The following KDM1A variants were observed in gnomAD, a reference collection of about 807,000 sequenced individuals.
KDM1A encodes the protein lysine-specific histone demethylase 1A.
Under a neutral mutation model 109.4 loss-of-function variants are expected in KDM1A, and 49 were observed. That is an observed-to-expected ratio of 0.45 (90% CI 0.36 to 0.57). The LOEUF is 0.57. KDM1A is among the 20% of genes least tolerant of loss of function. KDM1A has a pLI of 0.00. For synonymous variants in KDM1A, 380 were observed against 415.4 expected, an observed-to-expected ratio of 0.91 and a Z score of 1.04; for missense variants, 668 against 1,116.6, an observed-to-expected ratio of 0.60 and a Z score of 5.73.
chr1:23,032,535 A>G lies in KDM1A; in HGVS notation c.517+1901A>G, dbSNP rs114923337. Reference sequence around the variant, plus strand: ...GGGACGTTAAAATTTTAAGTTGAGGATATCTTCAATGCTTAGAAATGTGCT... The same window carrying G: ...GGGACGTTAAAATTTTAAGTTGAGGGTATCTTCAATGCTTAGAAATGTGCT... On this transcript the variant is annotated intron_variant, in intron 2 of 20. Coordinates refer to ENST00000400181, the MANE Select transcript of KDM1A (RefSeq NM_001009999.3). 8.7e-3 allele frequency among the ~76,000 whole-genome samples: 1,328 copies of G among 152,128 alleles called. 16 individuals carry two copies. The highest frequency in any genetic ancestry group is 0.028 in the African/African-American group (1,174 of 41,514).
In KDM1A at chr1:23,021,807, C is replaced by A. The variant is rs546927674; in HGVS notation, c.351+1860C>A. Among the ~76,000 whole-genome samples the A allele has an allele frequency of 1.2e-4, 18 of 152,316 alleles. No individual in the cohort carries two copies. The South Asian group carries it at 3.7e-3, about 32-fold the overall frequency. On this transcript the variant is annotated intron_variant, in intron 1 of 20. Coordinates refer to ENST00000400181, the MANE Select transcript of KDM1A (RefSeq NM_001009999.3). ...ATTGATTTTAGAACCTTTTCATCAT[C>A]CCCAAAGACATCTGTATCATTAGCA...
At chr1:23,050,673 T>G (rs1642642079) in intron 4 of KDM1A, among the ~76,000 whole-genome samples, 153 bp downstream of exon 4, 1 of 152,240 alleles carries the variant, frequency 6.6e-6, no homozygotes, top group Admixed American at 6.5e-5. Context: ...TAGTTATTTT[T>G]CATTTGGGTA....
intron 3 of KDM1A, 21 bp from the exon 4 acceptor site, chr1:23,050,366 G>A (rs1475587861): frequency 8.2e-6 from 13 of 1,589,796 alleles, no homozygotes; most frequent in Non-Finnish European, 1.1e-5. Context: ...TTTCCTAGAT[G>A]TCCTTTGCTT....
chr1:23,082,126 C>T, intron 19 of KDM1A, 94 bp from the exon 20 acceptor site: 3 of 1,365,194 alleles, frequency 2.2e-6, no homozygotes, highest in Non-Finnish European at 3.0e-6. Context: ...TTTCTCTTCA[C>T]TTGCATCTCC....
intron 1 of KDM1A, among the ~76,000 whole-genome samples, chr1:23,026,390 G>GTTT (rs1641803477): frequency 5.8e-5 from 3 of 51,878 alleles, no homozygotes; most frequent in African/African-American, 2.3e-4. Flanking sequence ...TTGTTTGTCT[G>GTTT]TTTGTTTTTT....
At chr1:23,051,398 AC>A (rs1448774231) in intron 4 of KDM1A, among the ~76,000 whole-genome samples, 1 of 152,194 alleles carries the variant, frequency 6.6e-6, no homozygotes, top group African/African-American at 2.4e-5. Context: ...GGTTATGAAC[AC>A]TTTTAAATGT....
chr1:23,073,167 G>T (rs1189945304), intron 14 of KDM1A, 125 bp from the exon 15 acceptor site: 3 of 574,948 alleles, frequency 5.2e-6, no homozygotes, highest in African/African-American at 3.7e-5. Flanking sequence ...TTTTTGATTT[G>T]TAATTTCTTC....
intron 16 of KDM1A, 83 bp downstream of exon 16, chr1:23,077,443 A>G: frequency 1.5e-6 from 2 of 1,374,942 alleles, no homozygotes; most frequent in African/African-American, 2.9e-5. Context: ...TATCAGGTAC[A>G]TTTCCTGATA....
At chr1:23,058,126 A>G (rs1345122566) in intron 8 of KDM1A, among the ~76,000 whole-genome samples, 2 of 152,140 alleles carry the variant, frequency 1.3e-5, no homozygotes, top group African/African-American at 4.8e-5. Flanking sequence ...TTCCATGCTC[A>G]AAGGATCCTC....
chr1:23,079,285 T>A lies in KDM1A; in HGVS notation c.2055+108T>A. On this transcript the variant is annotated intron_variant, in intron 17 of 20. Transcript: ENST00000400181. This position sits in a 1 kb window ranked among gnomAD's most constrained non-coding sequence, Gnocchi z 5.6. ...TGCATTTTTGGGCATTTGGCTATGC[T>A]CCCAATTGTGACATCAGGGCTGAGG... 1 of 1,149,138 alleles carries A rather than the reference T, an allele frequency of 8.7e-7. No individual in the cohort carries two copies. The highest frequency in any genetic ancestry group is 1.2e-6 in the Non-Finnish European group (1 of 801,618). 71.2% of individuals were successfully genotyped at this position (1,149,138 alleles called of 1,614,324 possible). A position where few individuals can be genotyped will look rare whatever the true frequency, so the allele number is the denominator to read the frequency against.
intron 9 of KDM1A, among the ~76,000 whole-genome samples, chr1:23,060,933 G>A (rs1642981946): frequency 6.6e-6 from 1 of 152,218 alleles, no homozygotes; most frequent in South Asian, 2.1e-4. Flanking sequence ...TCCTCAAGAA[G>A]TGATAAGAGT....
intron 3 of KDM1A, among the ~76,000 whole-genome samples, chr1:23,046,468 T>C (rs1213281199): frequency 6.6e-6 from 1 of 152,208 alleles, no homozygotes; most frequent in Non-Finnish European, 1.5e-5. Context: ...ATCTACTTGA[T>C]ATAAAAAATT....
In KDM1A at chr1:23,026,128, G is replaced by A. The variant is rs113257648; in HGVS notation, c.352-4341G>A. ...AAAAATAAAAAAGGCAGTTTGAATAGTCAAGGCCAGAGAGTGTATATGCTG... is the reference window on the plus strand; with the variant it reads ...AAAAATAAAAAAGGCAGTTTGAATAATCAAGGCCAGAGAGTGTATATGCTG... On this transcript the variant is annotated intron_variant, in intron 1 of 20. Coordinates refer to ENST00000400181, the MANE Select transcript of KDM1A (RefSeq NM_001009999.3). 1.7e-3 allele frequency among the ~76,000 whole-genome samples: 263 copies of A among 152,192 alleles called. 3 individuals carry two copies. Among genetic ancestry groups the A allele is most frequent in the African/African-American group, 6.0e-3 (248 of 41,526 alleles).
At chr1:23,081,236 C>G (rs1349609978) in intron 18 of KDM1A, 5 of 517,380 alleles carry the variant, frequency 9.7e-6, no homozygotes, top group Admixed American at 6.8e-5. Flanking sequence ...TTACTTCACT[C>G]TAGTCTGCCA....
At chr1:23,024,422 A>G (rs1641734538) in intron 1 of KDM1A, among the ~76,000 whole-genome samples, 1 of 152,208 alleles carries the variant, frequency 6.6e-6, no homozygotes. Context: ...AGTGTATGCA[A>G]GGAAAAAAGT....
intron 12 of KDM1A, 150 bp from the exon 13 acceptor site, chr1:23,071,075 T>G: frequency 1.6e-6 from 1 of 621,360 alleles, no homozygotes; most frequent in Non-Finnish European, 2.8e-6. Context: ...TGATGTAGGT[T>G]AGAACAAGTA....
At chr1:23,032,031 C>G (rs182615218) in intron 2 of KDM1A, among the ~76,000 whole-genome samples, 246 of 152,138 alleles carry the variant, frequency 1.6e-3, no homozygotes, top group African/African-American at 5.6e-3. Flanking sequence ...CTGTTCTTAC[C>G]TCCAACCTTT....
intron 10 of KDM1A, 43 bp from the exon 11 acceptor site, chr1:23,068,496 T>G: frequency 6.6e-7 from 1 of 1,503,934 alleles, no homozygotes; most frequent in South Asian, 1.4e-5. Flanking sequence ...ATGGTTATGT[T>G]TAGTTTTATA....
chr1:23,033,782 A>C (rs1387638480), intron 2 of KDM1A, among the ~76,000 whole-genome samples: 1 of 152,188 alleles, frequency 6.6e-6, no homozygotes, highest in Non-Finnish European at 1.5e-5. Context: ...GCCTTGGTTG[A>C]CTAAGCCAGG....
Sources: allele counts gnomAD v4.1 joint callset (sites outside exome capture counted in the v4.1 genomes callset), GRCh38; gene constraint gnomAD v4.1.1; non-coding constraint Gnocchi (gnomAD v3.1); transcripts MANE v1.5; gene names NCBI Gene and HGNC (gene_info 2026-07-23, HGNC 2026-07-21).